MTMR2: variants seen among roughly 807,000 people sequenced by gnomAD.
MTMR2 encodes myotubularin related protein 2.
MTMR2 carries 55 observed loss-of-function variants against 86.9 expected under a neutral mutation model. That is an observed-to-expected ratio of 0.63 (90% CI 0.51 to 0.79). The LOEUF (loss-of-function observed/expected upper bound fraction) is 0.79, where lower values mean the gene tolerates loss of function less well. Among genes scored for constraint, MTMR2 ranks in the 30% least tolerant of loss-of-function variants. The probability of loss-of-function intolerance (pLI) is 0.00; values close to 1 mark genes in which losing one functional copy is unlikely to be tolerated. For missense variants in MTMR2, 659 were observed against 772.3 expected (o/e 0.85, Z 1.74); for synonymous variants, 241 against 266.8 (o/e 0.90, Z 0.94).
chr11:95,917,137 C>T (rs1866740088), intron 1 of MTMR2, among the ~76,000 whole-genome samples: 1 of 152,072 alleles, frequency 6.6e-6, no homozygotes, highest in Non-Finnish European at 1.5e-5. Context: ...ACTCCCTATC[C>T]TTGACTATCA....
At chr11:95,843,747 A>T (rs974309958) in intron 11 of MTMR2, among the ~76,000 whole-genome samples, 16 of 150,948 alleles carry the variant, frequency 1.1e-4, no homozygotes, top group Non-Finnish European at 1.9e-4. Context: ...TTTGGAAAAT[A>T]TTTTTTTTAG....
chr11:95,893,283 C>A (rs1175787264), intron 1 of MTMR2, among the ~76,000 whole-genome samples: 1 of 152,068 alleles, frequency 6.6e-6, no homozygotes, highest in Non-Finnish European at 1.5e-5. Flanking sequence ...TGTCATTACA[C>A]CTTGGACTTT....
At chr11:95,857,203 T>C (rs559349458) in intron 7 of MTMR2, among the ~76,000 whole-genome samples, 18 of 152,282 alleles carry the variant, frequency 1.2e-4, no homozygotes, top group Admixed American at 1.1e-3. Flanking sequence ...ATTTGAATTC[T>C]AGAATACTCT....
chr11:95,854,490 G>C (rs1033883447), intron 7 of MTMR2, among the ~76,000 whole-genome samples: 2 of 152,122 alleles, frequency 1.3e-5, no homozygotes, highest in African/African-American at 4.8e-5. Context: ...CATGAGATAA[G>C]GTCTCTGCAC....
chr11:95,921,694 A>T (rs1027409804), intron 1 of MTMR2, among the ~76,000 whole-genome samples: 40 of 152,352 alleles, frequency 2.6e-4, no homozygotes, highest in African/African-American at 9.4e-4. Flanking sequence ...TCCATACAGT[A>T]GACATTAAGT....
chr11:95,889,595 G>A (rs1347468235), intron 1 of MTMR2, among the ~76,000 whole-genome samples: 1 of 151,772 alleles, frequency 6.6e-6, no homozygotes, highest in Non-Finnish European at 1.5e-5. Context: ...GGCCTCAAAC[G>A]ATCCTCTCAC....
At chr11:95,909,642 G>GT (rs887468992) in intron 1 of MTMR2, among the ~76,000 whole-genome samples, 165 of 150,276 alleles carry the variant, frequency 1.1e-3, no homozygotes, top group African/African-American at 3.7e-3. Context: ...CCTTTATTTT[G>GT]TTTTTTTTTA....
chr11:95,845,353 A>G (rs1863741824), intron 10 of MTMR2, among the ~76,000 whole-genome samples, 194 bp from the exon 11 acceptor site: 1 of 152,176 alleles, frequency 6.6e-6, no homozygotes, highest in Non-Finnish European at 1.5e-5. Flanking sequence ...AAACCTCATA[A>G]TTGCTGACTC....
At chr11:95,890,364 C>T (rs966555090) in intron 1 of MTMR2, among the ~76,000 whole-genome samples, 2 of 152,126 alleles carry the variant, frequency 1.3e-5, no homozygotes, top group Non-Finnish European at 2.9e-5. Flanking sequence ...CTCCCTCCTT[C>T]AAATAGATTC....
chr11:95,879,109 T>A (rs555475236), intron 2 of MTMR2, among the ~76,000 whole-genome samples: 7 of 151,870 alleles, frequency 4.6e-5, no homozygotes, highest in African/African-American at 1.7e-4. Context: ...CATGATAACA[T>A]CCCAAGCAAG....
intron 11 of MTMR2, 62 bp from the exon 12 acceptor site, chr11:95,841,771 A>G: frequency 7.4e-7 from 1 of 1,356,328 alleles, no homozygotes; most frequent in Non-Finnish European, 1.1e-6. Context: ...GATGGAAATA[A>G]TTTTTTAAAA....
intron 1 of MTMR2, chr11:95,923,620 C>T (rs971011008): frequency 2.2e-6 from 3 of 1,336,472 alleles, no homozygotes; most frequent in Admixed American, 3.0e-5. Flanking sequence ...ACTGGGACCA[C>T]CTCCATCGGG....
At chr11:95,881,333 A>C (rs545417156) in intron 2 of MTMR2, among the ~76,000 whole-genome samples, 36 of 152,180 alleles carry the variant, frequency 2.4e-4, no homozygotes, top group African/African-American at 8.2e-4. Context: ...CTCTGGGTTA[A>C]TCTTGACCTT....
At chr11:95,881,236 G>T (rs1215269302) in intron 2 of MTMR2, among the ~76,000 whole-genome samples, 1 of 151,722 alleles carries the variant, frequency 6.6e-6, no homozygotes, top group Non-Finnish European at 1.5e-5. Context: ...ACAAACATCA[G>T]TCTGTTTCTA....
At chr11:95,869,080 A>T (rs1864750675) in intron 2 of MTMR2, among the ~76,000 whole-genome samples, 1 of 152,044 alleles carries the variant, frequency 6.6e-6, no homozygotes, top group Admixed American at 6.6e-5. Context: ...AAGAACCCCT[A>T]AAAAAACTCC....
chr11:95,853,124 TATATATC>T (rs1308312672), intron 7 of MTMR2, among the ~76,000 whole-genome samples: 2 of 149,434 alleles, frequency 1.3e-5, no homozygotes, highest in Non-Finnish European at 3.0e-5. Flanking sequence ...TTTATATATG[TATATATC>T]ATATATATAC....
chr11:95,915,958 A>G (rs901675512), intron 1 of MTMR2, among the ~76,000 whole-genome samples: 3 of 152,174 alleles, frequency 2.0e-5, no homozygotes, highest in African/African-American at 7.2e-5. Flanking sequence ...TTAGGATTAT[A>G]AAAATCTGAC....
chr11:95,889,254 C>T (rs986258492), intron 1 of MTMR2, among the ~76,000 whole-genome samples: 4 of 151,802 alleles, frequency 2.6e-5, no homozygotes, highest in South Asian at 2.1e-4. Context: ...CTGTCTCAGA[C>T]GCCTGAGTAG....
chr11:95,891,387 G>A (rs2135556763), intron 1 of MTMR2, among the ~76,000 whole-genome samples: 1 of 151,548 alleles, frequency 6.6e-6, no homozygotes, highest in South Asian at 2.1e-4. Context: ...GCAGGTAGAG[G>A]TTGCAGTGAG....
Sources: gnomAD v4.1 joint callset for allele counts (sites outside exome capture counted in the v4.1 genomes callset) on GRCh38, gnomAD v4.1.1 for gene constraint, MANE v1.5 for transcripts, NCBI Gene and HGNC (gene_info 2026-07-23, HGNC 2026-07-21) for gene names.